Variants in PHF14 observed in about 807,000 individuals in gnomAD.
PHF14 encodes PHD finger protein 14.
A neutral mutation model predicts 117.9 loss-of-function variants in PHF14; 55 were observed. The observed-to-expected ratio is 0.47, with a 90% CI of 0.38 to 0.58. PHF14 has a LOEUF of 0.58. Among genes scored for constraint, PHF14 ranks in the 20% least tolerant of loss-of-function variants. The pLI is 0.00. For synonymous variants in PHF14, 409 were observed against 368.6 expected (o/e 1.11, Z -1.26); for missense variants, 978 against 1,122.2 (o/e 0.87, Z 1.84).
chr7:11,013,555 T>C (rs2128316186), intron 4 of PHF14, among the ~76,000 whole-genome samples, 192 bp from the exon 5 acceptor site: 1 of 152,342 alleles, frequency 6.6e-6, no homozygotes, highest in Admixed American at 6.5e-5. Flanking sequence ...TGTCATTTAT[T>C]TCATTGTGTA....
At chr7:11,049,199 G>A (rs1030564964) in intron 13 of PHF14, among the ~76,000 whole-genome samples, 18 of 152,178 alleles carry the variant, frequency 1.2e-4, no homozygotes, top group Non-Finnish European at 2.2e-4. Context: ...AGAGCCTGGC[G>A]CGGTGGCTCA....
chr7:10,977,579 C>G (rs1280186137), intron 2 of PHF14, among the ~76,000 whole-genome samples: 1 of 152,040 alleles, frequency 6.6e-6, no homozygotes, highest in Non-Finnish European at 1.5e-5. Flanking sequence ...GATTACGAGC[C>G]TGTACCTTTA....
chr7:11,096,788 A>G (rs1434109965), intron 16 of PHF14, among the ~76,000 whole-genome samples: 1 of 152,154 alleles, frequency 6.6e-6, no homozygotes, highest in Non-Finnish European at 1.5e-5. Context: ...AAGGAACTAC[A>G]TAGGAAGTAA....
chr7:11,067,151 A>C (rs563727105), intron 16 of PHF14, among the ~76,000 whole-genome samples: 27 of 152,294 alleles, frequency 1.8e-4, no homozygotes, highest in African/African-American at 6.5e-4. Context: ...TGGGCATAGG[A>C]CTTGAAAATA....
rs147022088 is a variant in PHF14 at position 10,994,517 on chromosome 7, G to C, written c.1045+3670G>C. Among the ~76,000 whole-genome samples the C allele has an allele frequency of 1.3e-3, 191 of 152,334 alleles. 1 individual carries two copies. Among genetic ancestry groups the C allele is most frequent in the African/African-American group, 4.4e-3 (181 of 41,580 alleles). ...CAGAAGTTTGTATGGCTAGAACTGG[G>C]TGAGCAAGCTGGTTAGTGGTGGGAG... On this transcript the variant is annotated intron_variant, in intron 4 of 17. Coordinates refer to ENST00000634607, the MANE Select transcript of PHF14 (RefSeq NM_001007157.2).
At chr7:11,012,092 A>G (rs1783376631) in intron 4 of PHF14, among the ~76,000 whole-genome samples, 2 of 152,222 alleles carry the variant, frequency 1.3e-5, no homozygotes, top group African/African-American at 2.4e-5. Context: ...AGCCTCATCA[A>G]TGCTGACTGA....
chr7:10,979,220 A>G (rs747388914), intron 2 of PHF14, among the ~76,000 whole-genome samples: 3 of 152,026 alleles, frequency 2.0e-5, no homozygotes, highest in Non-Finnish European at 1.5e-5. Flanking sequence ...TTGTAAAGGG[A>G]TTCTTGAAGG....
intron 5 of PHF14, among the ~76,000 whole-genome samples, chr7:11,018,963 A>T (rs1049740988): frequency 6.6e-6 from 1 of 152,098 alleles, no homozygotes; most frequent in African/African-American, 2.4e-5. Context: ...GTTGAATTTT[A>T]TTAAATGCTT....
rs1160265749 is a variant in PHF14 at position 11,148,902 on chromosome 7, A to G, written c.2773-20514A>G. ...AAACTTTATAATAACTGTAGCTAAC[A>G]TTGTTTTGAACATCTACTTTTATTG... On this transcript the variant is annotated intron_variant, in intron 17 of 17. Transcript: ENST00000634607. 2.0e-5 allele frequency among the ~76,000 whole-genome samples: 3 copies of G among 152,346 alleles called. No homozygotes were observed. In the East Asian group the frequency reaches 5.8e-4, roughly 29 times the overall value.
chr7:11,118,715 A>G (rs1341232888), intron 17 of PHF14, among the ~76,000 whole-genome samples: 2 of 151,852 alleles, frequency 1.3e-5, no homozygotes, highest in Non-Finnish European at 2.9e-5. Context: ...TAGATTGTTT[A>G]TTAGTCATTC....
chr7:11,037,616 A>G (rs985674213), intron 10 of PHF14, among the ~76,000 whole-genome samples: 24 of 152,206 alleles, frequency 1.6e-4, no homozygotes, highest in African/African-American at 5.8e-4. Flanking sequence ...CCAAATTTGA[A>G]TTTTCATGTA....
chr7:11,100,179 G>T (rs1334883517), intron 16 of PHF14, among the ~76,000 whole-genome samples: 1 of 151,986 alleles, frequency 6.6e-6, no homozygotes, highest in African/African-American at 2.4e-5. Flanking sequence ...TTGGACATAT[G>T]AAATAGACAT....
rs558194042 is a variant in PHF14, at chr7:11,028,879, T to C, written c.1455+61T>C. On this transcript the variant is annotated intron_variant, in intron 7 of 17. Transcript: ENST00000634607. ...TCACAAGATATCTTTTGACTCTATG[T>C]CCTATAATAAGTGTAAATAATAAAA... 2.2e-6 allele frequency: 3 copies of C among 1,356,822 alleles called. No homozygotes were observed. The African/African-American group carries it at 4.4e-5, about 20-fold the overall frequency. The allele number at this position is 1,356,822 out of a possible 1,614,324, so 84.0% of individuals were successfully genotyped here. A position where few individuals can be genotyped will look rare whatever the true frequency, so the allele number is the denominator to read the frequency against.
chr7:11,133,622 G>C (rs1384809674), intron 17 of PHF14, among the ~76,000 whole-genome samples: 1 of 151,854 alleles, frequency 6.6e-6, no homozygotes. Context: ...CTAATCTCCA[G>C]AGTGCTTCCC....
intron 17 of PHF14, among the ~76,000 whole-genome samples, chr7:11,167,846 G>A (rs1184841562): frequency 2.0e-5 from 3 of 152,010 alleles, no homozygotes; most frequent in African/African-American, 7.2e-5. Flanking sequence ...TGGCTAACAC[G>A]GTGAAACCCC....
intron 3 of PHF14, among the ~76,000 whole-genome samples, chr7:10,988,031 A>G (rs1782288014): frequency 6.6e-6 from 1 of 150,890 alleles, no homozygotes; most frequent in Non-Finnish European, 1.5e-5. Flanking sequence ...AAAAAAAAAA[A>G]AGAAAAAGAA....
At chr7:11,106,523 T>C (rs1460464189) in intron 16 of PHF14, 4 of 969,470 alleles carry the variant, frequency 4.1e-6, no homozygotes, top group South Asian at 4.8e-5. Context: ...TCCGTATTGG[T>C]AGAATGCAGA....
chr7:11,013,982 T>C, intron 5 of PHF14, 76 bp downstream of exon 5: 2 of 922,820 alleles, frequency 2.2e-6, no homozygotes, highest in East Asian at 5.0e-5. Flanking sequence ...TTCTTCTGTT[T>C]ATGATTACAC....
intron 17 of PHF14, among the ~76,000 whole-genome samples, chr7:11,118,347 A>T (rs945265909): frequency 1.3e-5 from 2 of 151,812 alleles, no homozygotes; most frequent in African/African-American, 2.4e-5. Context: ...ACTGTAGAAC[A>T]AGGTCCTCAA....
Sources: gnomAD v4.1 joint callset for allele counts (sites outside exome capture counted in the v4.1 genomes callset) on GRCh38, gnomAD v4.1.1 for gene constraint, MANE v1.5 for transcripts, NCBI Gene and HGNC (gene_info 2026-07-23, HGNC 2026-07-21) for gene names.